MLLT3: variants seen among roughly 807,000 people sequenced by gnomAD.
MLLT3 encodes protein AF-9.
Under a neutral mutation model 53.2 loss-of-function variants are expected in MLLT3, and 4 were observed. The ratio of observed to expected loss-of-function variants is 0.08; its 90% CI spans 0.04 to 0.17. The LOEUF (loss-of-function observed/expected upper bound fraction) is 0.17. Among genes scored for constraint, MLLT3 ranks in the 10% least tolerant of loss-of-function variants. The pLI is 1.00. For synonymous variants in MLLT3, 283 were observed against 230.6 expected, an observed-to-expected ratio of 1.23 and a Z score of -2.06; for missense variants, 569 against 684.0, an observed-to-expected ratio of 0.83 and a Z score of 1.87.
chr9:20,478,182 C>T lies in MLLT3; in HGVS notation c.194-21396G>A, dbSNP rs537272333. Among the ~76,000 whole-genome samples the T allele has an allele frequency of 2.6e-5, 4 of 151,754 alleles. No individual in the cohort carries two copies. In the South Asian group the frequency reaches 8.4e-4, roughly 32 times the overall value. ...ATTCTCGGTGGACTGGCAGTGGCTGCACTGAGAAGCTGCATCTTATTCCTC... is the reference window on the plus strand; with the variant it reads ...ATTCTCGGTGGACTGGCAGTGGCTGTACTGAGAAGCTGCATCTTATTCCTC... On this transcript the variant is annotated intron_variant, in intron 2 of 10. Coordinates refer to ENST00000380338, the MANE Select transcript of MLLT3 (RefSeq NM_004529.4).
At chr9:20,487,796 C>A (rs1824851230) in intron 2 of MLLT3, among the ~76,000 whole-genome samples, 1 of 151,982 alleles carries the variant, frequency 6.6e-6, no homozygotes, top group African/African-American at 2.4e-5. Flanking sequence ...TTCTAGTAGC[C>A]ATAGACTAAA....
chr9:20,612,161 T>C (rs1169890066), intron 2 of MLLT3, among the ~76,000 whole-genome samples: 1 of 152,160 alleles, frequency 6.6e-6, no homozygotes, highest in Non-Finnish European at 1.5e-5. Context: ...TTGACCACCA[T>C]TTATTACTAG....
intron 2 of MLLT3, among the ~76,000 whole-genome samples, chr9:20,565,546 A>G (rs1199012896): frequency 1.3e-5 from 2 of 152,086 alleles, no homozygotes; most frequent in Non-Finnish European, 2.9e-5. Context: ...ATTCAACTTA[A>G]TATTCCCATT....
intron 8 of MLLT3, among the ~76,000 whole-genome samples, chr9:20,357,711 T>C (rs1203780784): frequency 2.0e-5 from 3 of 152,198 alleles, no homozygotes; most frequent in Non-Finnish European, 4.4e-5. Context: ...ACTCCATTAG[T>C]ACTTCCCCTC....
At chr9:20,491,632 A>T (rs1824950631) in intron 2 of MLLT3, among the ~76,000 whole-genome samples, 1 of 152,178 alleles carries the variant, frequency 6.6e-6, no homozygotes, top group Non-Finnish European at 1.5e-5. Context: ...TTCTGTTAAG[A>T]GAGACTCAGT....
intron 4 of MLLT3, among the ~76,000 whole-genome samples, chr9:20,435,955 G>A (rs1303622075): frequency 6.6e-6 from 1 of 152,032 alleles, no homozygotes; most frequent in Non-Finnish European, 1.5e-5. Context: ...GGCCAAAGTA[G>A]CTCCCCCAGA....
At chr9:20,559,136 C>T (rs1819136090) in intron 2 of MLLT3, among the ~76,000 whole-genome samples, 1 of 152,030 alleles carries the variant, frequency 6.6e-6, no homozygotes, top group African/African-American at 2.4e-5. Flanking sequence ...AGCAGTTTTG[C>T]TAATTTGTTT....
chr9:20,594,503 T>C (rs939911655), intron 2 of MLLT3, among the ~76,000 whole-genome samples: 1 of 152,104 alleles, frequency 6.6e-6, no homozygotes, highest in African/African-American at 2.4e-5. Context: ...TCAGAGGTGT[T>C]TGAACCAGAG....
rs551594010 is a variant in MLLT3, at chr9:20,609,853, T to C, written c.193+10801A>G. Among the ~76,000 whole-genome samples the C allele has an allele frequency of 4.6e-5, 7 of 152,236 alleles. No individual in the cohort carries two copies. In the South Asian group the frequency reaches 1.5e-3, roughly 32 times the overall value. On this transcript the variant is annotated intron_variant, in intron 2 of 10. Coordinates refer to ENST00000380338, the MANE Select transcript of MLLT3 (RefSeq NM_004529.4). ...AAGAAAGGATAAAATTCCAATACAC[T>C]GATGTTCATATATTGGTATTTTATT...
chr9:20,558,114 C>G (rs1819109096), intron 2 of MLLT3, among the ~76,000 whole-genome samples: 1 of 152,152 alleles, frequency 6.6e-6, no homozygotes, highest in African/African-American at 2.4e-5. Context: ...AAGGACAGTA[C>G]TAAACAGCAG....
At chr9:20,564,013 G>A (rs964703373) in intron 2 of MLLT3, among the ~76,000 whole-genome samples, 3 of 152,148 alleles carry the variant, frequency 2.0e-5, no homozygotes, top group African/African-American at 7.2e-5. Context: ...TTTTAGAGCA[G>A]CATGCTGGAG....
chr9:20,457,296 T>C (rs1185853025), intron 2 of MLLT3, among the ~76,000 whole-genome samples: 1 of 143,798 alleles, frequency 7.0e-6, no homozygotes, highest in African/African-American at 2.6e-5. Flanking sequence ...TTGCCCAGGC[T>C]GGAGTGCAAT....
At chr9:20,422,695 C>G (rs958431626) in intron 4 of MLLT3, among the ~76,000 whole-genome samples, 49 of 152,244 alleles carry the variant, frequency 3.2e-4, no homozygotes, top group African/African-American at 1.2e-3. Context: ...GAAAGACAGG[C>G]CTTAATAGCA....
chr9:20,455,642 A>T (rs1823947833), intron 3 of MLLT3, among the ~76,000 whole-genome samples: 1 of 152,212 alleles, frequency 6.6e-6, no homozygotes, highest in African/African-American at 2.4e-5. Flanking sequence ...AAAAGAAAAA[A>T]AAAGCCAATT....
intron 2 of MLLT3, among the ~76,000 whole-genome samples, chr9:20,511,560 A>G (rs936566840): frequency 6.6e-6 from 1 of 152,220 alleles, no homozygotes; most frequent in South Asian, 2.1e-4. Context: ...GCATCATTAA[A>G]TGTATCACAT....
chr9:20,437,703 G>T (rs558654661), intron 4 of MLLT3, among the ~76,000 whole-genome samples: 2 of 152,258 alleles, frequency 1.3e-5, no homozygotes, highest in Admixed American at 1.3e-4. Flanking sequence ...CTGGAACATA[G>T]TAGAAGGTAT....
At chr9:20,461,662 G>C (rs1253024849) in intron 2 of MLLT3, among the ~76,000 whole-genome samples, 1 of 151,930 alleles carries the variant, frequency 6.6e-6, no homozygotes, top group African/African-American at 2.4e-5. Flanking sequence ...AACTCCATAA[G>C]ACCTTCATTT....
chr9:20,473,607 G>C (rs1417426567), intron 2 of MLLT3, among the ~76,000 whole-genome samples: 2 of 152,020 alleles, frequency 1.3e-5, no homozygotes, highest in East Asian at 3.9e-4. Flanking sequence ...GGTTGGTAAA[G>C]AATAGGACTG....
At chr9:20,589,574 T>A (rs1820071919) in intron 2 of MLLT3, among the ~76,000 whole-genome samples, 1 of 124,150 alleles carries the variant, frequency 8.1e-6, no homozygotes, top group Non-Finnish European at 1.7e-5. Context: ...CCCTAAAACT[T>A]AAAGTATAAT....
Sources: gnomAD v4.1 joint callset for allele counts (sites outside exome capture counted in the v4.1 genomes callset) on GRCh38, gnomAD v4.1.1 for gene constraint, MANE v1.5 for transcripts, NCBI Gene and HGNC (gene_info 2026-07-23, HGNC 2026-07-21) for gene names.